RPS6KA5: variants seen among roughly 807,000 people sequenced by gnomAD.
RPS6KA5 encodes the protein ribosomal protein S6 kinase alpha-5.
In RPS6KA5, 27 loss-of-function variants were observed where a neutral mutation model predicts 85.5. The ratio of observed to expected loss-of-function variants is 0.32; its 90% CI spans 0.23 to 0.44. The LOEUF (loss-of-function observed/expected upper bound fraction) is 0.44, where lower values mean the gene tolerates loss of function less well. Among genes scored for constraint, RPS6KA5 ranks in the 20% least tolerant of loss-of-function variants. The pLI is 1.00. For synonymous variants in RPS6KA5, 334 were observed against 348.2 expected (o/e 0.96, Z 0.46); for missense variants, 811 against 980.9 (o/e 0.83, Z 2.31).
chr14:91,037,091 C>G (rs1397327670), intron 1 of RPS6KA5, among the ~76,000 whole-genome samples: 2 of 152,150 alleles, frequency 1.3e-5, no homozygotes, highest in Admixed American at 6.5e-5. Flanking sequence ...AAACTACTAC[C>G]TAATGGGGAC....
In RPS6KA5 at chr14:90,990,239, A is replaced by G. The variant is rs551726052; in HGVS notation, c.175+10849T>C. ...AAAGGATATGAATAGATCCTTCTCA[A>G]AAGAAAACATACACATTGCCAACAA... is the stretch of plus-strand genomic sequence containing the variant. On this transcript the variant is annotated intron_variant, in intron 2 of 16. Coordinates refer to ENST00000614987, the MANE Select transcript of RPS6KA5 (RefSeq NM_004755.4). Among the ~76,000 whole-genome samples, 6 of 152,340 alleles carry G rather than the reference A, an allele frequency of 3.9e-5. No individual in the cohort carries two copies. The South Asian group carries it at 1.0e-3, about 26-fold the overall frequency.
intron 1 of RPS6KA5, among the ~76,000 whole-genome samples, chr14:91,017,508 G>A (rs921708300): frequency 3.3e-5 from 5 of 152,212 alleles, no homozygotes; most frequent in African/African-American, 1.2e-4. Flanking sequence ...CCTGAAGCAG[G>A]TGGCTTGATG....
At chr14:90,977,564 A>C (rs1249291717) in intron 3 of RPS6KA5, among the ~76,000 whole-genome samples, 1 of 152,132 alleles carries the variant, frequency 6.6e-6, no homozygotes, top group Admixed American at 6.5e-5. Flanking sequence ...TAGGAACAGA[A>C]GTCTTTTCTT....
At chr14:90,930,259 G>A (rs1052636410) in intron 5 of RPS6KA5, among the ~76,000 whole-genome samples, 6 of 152,180 alleles carry the variant, frequency 3.9e-5, no homozygotes, top group Admixed American at 2.6e-4. Flanking sequence ...AAACAGACTC[G>A]TAAGTATGCT....
rs909235011 is a variant in RPS6KA5 at position 90,871,877 on chromosome 14, T to C, written c.*197A>G. The C allele has an allele frequency of 6.7e-6, 4 of 592,896 alleles. No individual in the cohort carries two copies. Among genetic ancestry groups the C allele is most frequent in the Non-Finnish European group, 1.1e-5 (4 of 351,778 alleles). 36.7% of individuals were successfully genotyped at this position (592,896 alleles called of 1,614,324 possible). ...TGCTAGGTTGCTAAAAAGAGTAATA[T>C]GTGCTCTATTCACAGTAACATTCTC... On this transcript the variant is annotated 3_prime_UTR_variant, in exon 17 of 17. Coordinates refer to ENST00000614987, the MANE Select transcript of RPS6KA5 (RefSeq NM_004755.4).
chr14:91,058,608 A>G (rs1566919108), intron 1 of RPS6KA5, among the ~76,000 whole-genome samples: 1 of 152,228 alleles, frequency 6.6e-6, no homozygotes, highest in South Asian at 2.1e-4. Flanking sequence ...CACACCAGAA[A>G]GCACCTGACA....
In RPS6KA5 at chr14:90,969,425, G is replaced by C. The variant is rs1595365254; in HGVS notation, c.394+8881C>G. On this transcript the variant is annotated intron_variant, in intron 3 of 16. Transcript: ENST00000614987. Reference sequence around the variant, plus strand: ...ACACTTTTATTAGCAGATGGAGAAAGTGAAATTCACAGAGACATTGGGTTA... The same window carrying C: ...ACACTTTTATTAGCAGATGGAGAAACTGAAATTCACAGAGACATTGGGTTA... Among the ~76,000 whole-genome samples, 5 of 152,288 alleles carry C rather than the reference G, an allele frequency of 3.3e-5. No individual in the cohort carries two copies. In the East Asian group the frequency reaches 9.6e-4, roughly 29 times the overall value.
intron 3 of RPS6KA5, among the ~76,000 whole-genome samples, chr14:90,975,314 T>C (rs2039514249): frequency 6.6e-6 from 1 of 152,174 alleles, no homozygotes; most frequent in Non-Finnish European, 1.5e-5. Context: ...AGTCAACCAA[T>C]AAACCTTTTG....
intron 4 of RPS6KA5, among the ~76,000 whole-genome samples, chr14:90,945,727 AT>A (rs1281562590): frequency 6.6e-6 from 1 of 152,098 alleles, no homozygotes; most frequent in Non-Finnish European, 1.5e-5. Flanking sequence ...TAAAAACCGG[AT>A]TTTCGGACAA....
intron 5 of RPS6KA5, among the ~76,000 whole-genome samples, chr14:90,930,462 T>G (rs1321948395): frequency 6.6e-6 from 1 of 152,162 alleles, no homozygotes; most frequent in Admixed American, 6.5e-5. Flanking sequence ...GGGAAAAGCT[T>G]CATGACATTG....
chr14:90,936,340 G>A (rs1472901713), intron 5 of RPS6KA5, among the ~76,000 whole-genome samples: 1 of 152,180 alleles, frequency 6.6e-6, no homozygotes, highest in African/African-American at 2.4e-5. Context: ...AGCAAGGCAG[G>A]TGGATTTTTT....
At chr14:90,974,982 G>A (rs1053626660) in intron 3 of RPS6KA5, among the ~76,000 whole-genome samples, 5 of 151,964 alleles carry the variant, frequency 3.3e-5, no homozygotes, top group South Asian at 2.1e-4. Flanking sequence ...AATCATATAC[G>A]GGACAAACTC....
chr14:90,859,883 T>C lies in RPS6KA5; in HGVS notation c.*12191A>G, dbSNP rs1359540986. Reference sequence around the variant, plus strand: ...AGATCAGAAAACTAAACACCGCATGTTCTCACTCATAAGTGGGAGTTGAAC... The same window carrying C: ...AGATCAGAAAACTAAACACCGCATGCTCTCACTCATAAGTGGGAGTTGAAC... On this transcript the variant is annotated 3_prime_UTR_variant, in exon 17 of 17. Coordinates refer to ENST00000614987, the MANE Select transcript of RPS6KA5 (RefSeq NM_004755.4). 1 of 151,914 alleles carries C rather than the reference T, an allele frequency of 6.6e-6. No homozygotes were observed. Among genetic ancestry groups the C allele is most frequent in the African/African-American group, 2.4e-5 (1 of 41,322 alleles). 9.4% of individuals were successfully genotyped at this position (151,914 alleles called of 1,614,324 possible). A position where few individuals can be genotyped will look rare whatever the true frequency, so the allele number is the denominator to read the frequency against.
intron 2 of RPS6KA5, among the ~76,000 whole-genome samples, chr14:90,999,983 A>G (rs754758639): frequency 2.6e-5 from 4 of 151,998 alleles, no homozygotes; most frequent in Non-Finnish European, 5.9e-5. Context: ...TTTTTTGTTG[A>G]GATGAGGTCT....
At chr14:90,878,793 T>C (rs2033642280) in intron 14 of RPS6KA5, among the ~76,000 whole-genome samples, 1 of 152,168 alleles carries the variant, frequency 6.6e-6, no homozygotes, top group Non-Finnish European at 1.5e-5. Flanking sequence ...GTAGCATACG[T>C]TGCACTGGAG....
intron 5 of RPS6KA5, among the ~76,000 whole-genome samples, chr14:90,936,146 C>G (rs576351288): frequency 3.3e-5 from 5 of 152,218 alleles, no homozygotes; most frequent in African/African-American, 1.2e-4. Context: ...AGAGCTTGAT[C>G]GAATTTTCTG....
intron 5 of RPS6KA5, among the ~76,000 whole-genome samples, chr14:90,928,110 T>TAG (rs2036779820): frequency 2.0e-5 from 3 of 151,872 alleles, no homozygotes; most frequent in Non-Finnish European, 4.4e-5. Context: ...GTACTTTTTG[T>TAG]AGAGAGACGC....
intron 3 of RPS6KA5, among the ~76,000 whole-genome samples, chr14:90,957,227 G>A (rs1274614350): frequency 1.3e-5 from 2 of 151,846 alleles, no homozygotes; most frequent in Non-Finnish European, 2.9e-5. Flanking sequence ...ACCATGCCTG[G>A]GTAATTTTTG....
chr14:91,016,693 C>T (rs77797506), intron 1 of RPS6KA5, among the ~76,000 whole-genome samples: 2,314 of 151,952 alleles, frequency 0.015, 71 homozygotes, highest in African/African-American at 0.053. Flanking sequence ...GGTATACACT[C>T]GGTTCTTCGC....
Sources: gnomAD v4.1 joint callset for allele counts (sites outside exome capture counted in the v4.1 genomes callset) on GRCh38, gnomAD v4.1.1 for gene constraint, MANE v1.5 for transcripts, NCBI Gene and HGNC (gene_info 2026-07-23, HGNC 2026-07-21) for gene names.